SEMA3A: variants seen among roughly 807,000 people sequenced by gnomAD.
SEMA3A encodes semaphorin 3A.
SEMA3A carries 29 observed loss-of-function variants against 97.9 expected under a neutral mutation model. The ratio of observed to expected loss-of-function variants is 0.30; its 90% confidence interval spans 0.22 to 0.40. SEMA3A has a LOEUF of 0.40. SEMA3A is among the 10% of genes least tolerant of loss of function. The probability of loss-of-function intolerance (pLI) is 1.00; values close to 1 mark genes in which losing one functional copy is unlikely to be tolerated. For synonymous variants in SEMA3A, 321 were observed against 323.7 expected, an observed-to-expected ratio of 0.99 and a Z score of 0.09; for missense variants, 763 against 951.3, an observed-to-expected ratio of 0.80 and a Z score of 2.60.
chr7:84,403,402 C>T (rs1441249856), intron 1 of SEMA3A, among the ~76,000 whole-genome samples: 1 of 152,198 alleles, frequency 6.6e-6, no homozygotes, highest in Non-Finnish European at 1.5e-5. Context: ...GGCTGGGAAG[C>T]TTGAACTGGG....
chr7:84,473,545 C>A (rs1177369530), intron 1 of SEMA3A, among the ~76,000 whole-genome samples: 5 of 151,822 alleles, frequency 3.3e-5, no homozygotes, highest in South Asian at 4.1e-4. Context: ...TGCACCACCA[C>A]GCCTGGCTAA....
intron 12 of SEMA3A, among the ~76,000 whole-genome samples, chr7:83,987,659 C>T (rs1177702263): frequency 6.6e-6 from 1 of 152,192 alleles, no homozygotes; most frequent in African/African-American, 2.4e-5. Flanking sequence ...TACATATTTG[C>T]ATGAATGAAT....
At chr7:84,437,099 T>G (rs1805152447) in intron 1 of SEMA3A, among the ~76,000 whole-genome samples, 1 of 152,106 alleles carries the variant, frequency 6.6e-6, no homozygotes, top group Middle Eastern at 3.2e-3. Flanking sequence ...TCCTTCTGAA[T>G]AAAAGATCAC....
At chr7:84,188,298 T>C (rs1166338446) in intron 1 of SEMA3A, among the ~76,000 whole-genome samples, 1 of 152,094 alleles carries the variant, frequency 6.6e-6, no homozygotes, top group Non-Finnish European at 1.5e-5. Context: ...TTCCTTATCC[T>C]GGGTTTGACA....
intron 3 of SEMA3A, among the ~76,000 whole-genome samples, chr7:84,303,244 G>A (rs1377063213): frequency 2.0e-5 from 3 of 152,084 alleles, no homozygotes; most frequent in Non-Finnish European, 4.4e-5. Context: ...TTGAGTCAAG[G>A]CCGTGAGGTA....
At chr7:84,103,813 T>C (rs1795027542) in intron 4 of SEMA3A, among the ~76,000 whole-genome samples, 1 of 152,038 alleles carries the variant, frequency 6.6e-6, no homozygotes, top group African/African-American at 2.4e-5. Flanking sequence ...AAAGGGAAGA[T>C]GAAAAAGTAC....
intron 6 of SEMA3A, among the ~76,000 whole-genome samples, chr7:84,036,067 G>A (rs972740745): frequency 6.6e-6 from 1 of 151,958 alleles, no homozygotes; most frequent in African/African-American, 2.4e-5. Context: ...CTCATAAATT[G>A]TCATGTCCTG....
intron 3 of SEMA3A, among the ~76,000 whole-genome samples, chr7:84,252,708 T>C (rs1016522835): frequency 6.6e-5 from 10 of 152,322 alleles, no homozygotes; most frequent in East Asian, 1.9e-4. Context: ...ATATGGATGA[T>C]ATAAAACATG....
chr7:84,025,047 A>C (rs1429468288), intron 6 of SEMA3A, among the ~76,000 whole-genome samples: 1 of 152,148 alleles, frequency 6.6e-6, no homozygotes, highest in Non-Finnish European at 1.5e-5. Context: ...AGATGGTGCC[A>C]CTGCACTCCA....
At chr7:84,202,564 G>A (rs1279468329) in intron 3 of SEMA3A, among the ~76,000 whole-genome samples, 2 of 152,106 alleles carry the variant, frequency 1.3e-5, no homozygotes, top group African/African-American at 2.4e-5. Flanking sequence ...GACTTGGTAG[G>A]TGCTTGCCAC....
At chr7:84,145,640 A>C (rs1258714497) in intron 1 of SEMA3A, among the ~76,000 whole-genome samples, 3 of 152,174 alleles carry the variant, frequency 2.0e-5, no homozygotes, top group Non-Finnish European at 4.4e-5. Flanking sequence ...CTATGTGCTC[A>C]GCACTGTTAT....
chr7:84,385,346 C>T (rs547472805), intron 1 of SEMA3A, among the ~76,000 whole-genome samples: 2 of 152,260 alleles, frequency 1.3e-5, no homozygotes, highest in African/African-American at 4.8e-5. Flanking sequence ...GCCCATTATA[C>T]TTGTTGTACC....
At chr7:84,436,900 C>T (rs1805146127) in intron 1 of SEMA3A, among the ~76,000 whole-genome samples, 1 of 152,066 alleles carries the variant, frequency 6.6e-6, no homozygotes, top group Admixed American at 6.6e-5. Flanking sequence ...ATTTTAAGTG[C>T]ATGTGAAAAC....
At chr7:84,050,633 C>A (rs955011539) in intron 5 of SEMA3A, among the ~76,000 whole-genome samples, 3 of 151,812 alleles carry the variant, frequency 2.0e-5, no homozygotes, top group Non-Finnish European at 2.9e-5. Context: ...GAGTAGGTTG[C>A]GAAAATTTTC....
chr7:84,074,390 T>C (rs1046874899), intron 4 of SEMA3A, among the ~76,000 whole-genome samples: 1 of 152,162 alleles, frequency 6.6e-6, no homozygotes, highest in Non-Finnish European at 1.5e-5. Context: ...AATGTAACCC[T>C]GATCTCTGTC....
At chr7:84,272,323 A>C (rs1450979313) in intron 3 of SEMA3A, among the ~76,000 whole-genome samples, 1 of 152,128 alleles carries the variant, frequency 6.6e-6, no homozygotes, top group African/African-American at 2.4e-5. Flanking sequence ...AATCAAGGAC[A>C]TAAAACCTTC....
In SEMA3A at chr7:84,439,408, T is replaced by C. The variant is rs151098267; in HGVS notation, c.-246+53052A>G. On this transcript the variant is annotated intron_variant, in intron 1 of 3. Coordinates refer to the SEMA3A transcript ENST00000424555. ...TAAATCTTGGTTGTATTTCAAAAAG[T>C]AAAACTACTGTGTTATTTTAGATTA... Among the ~76,000 whole-genome samples, 354 of 152,286 alleles carry C rather than the reference T, an allele frequency of 2.3e-3. 1 individual carries two copies. Among genetic ancestry groups the C allele is most frequent in the African/African-American group, 8.2e-3 (340 of 41,570 alleles).
chr7:84,281,662 G>A (rs966335617), intron 3 of SEMA3A, among the ~76,000 whole-genome samples: 1 of 152,148 alleles, frequency 6.6e-6, no homozygotes, highest in African/African-American at 2.4e-5. Flanking sequence ...ATAGTGTGGT[G>A]TTCAAAAGAA....
intron 1 of SEMA3A, among the ~76,000 whole-genome samples, chr7:84,168,120 G>T (rs1797271093): frequency 6.6e-6 from 1 of 151,982 alleles, no homozygotes; most frequent in South Asian, 2.1e-4. Flanking sequence ...TTATACGCAA[G>T]TGAAATAATA....
Sources: allele counts gnomAD v4.1 joint callset (sites outside exome capture counted in the v4.1 genomes callset), GRCh38; gene constraint gnomAD v4.1.1; transcripts MANE v1.5; gene names NCBI Gene and HGNC (gene_info 2026-07-23, HGNC 2026-07-21).